UBE3A: variants seen among roughly 807,000 people sequenced by gnomAD.
UBE3A encodes ubiquitin protein ligase E3A.
A neutral mutation model predicts 83.4 loss-of-function variants in UBE3A; 6 were observed. The observed-to-expected ratio is 0.07, with a 90% CI of 0.04 to 0.14. The LOEUF is 0.14. Ranked by LOEUF, UBE3A falls within the 10% of genes least tolerant of loss-of-function variation. The pLI, the probability that UBE3A is intolerant of heterozygous loss-of-function variation, is 1.00. For missense variants in UBE3A, 456 were observed against 1,036.1 expected (o/e 0.44, Z 7.69); for synonymous variants, 337 against 355.4 (o/e 0.95, Z 0.58).
chr15:25,379,120 C>G (rs1177119264), intron 4 of UBE3A, among the ~76,000 whole-genome samples: 3 of 152,096 alleles, frequency 2.0e-5, no homozygotes, highest in Non-Finnish European at 2.9e-5. Flanking sequence ...TATCTACGAG[C>G]ATTATCATGG....
intron 1 of UBE3A, among the ~76,000 whole-genome samples, chr15:25,433,173 C>T (rs1183238438): frequency 6.6e-6 from 1 of 151,028 alleles, no homozygotes; most frequent in African/African-American, 2.4e-5. Context: ...AAAAATTCCC[C>T]AAAACAACGT....
chr15:25,435,231 TAC>T (rs56786510), intron 1 of UBE3A, among the ~76,000 whole-genome samples: 95,841 of 143,408 alleles, frequency 0.67, 31,887 homozygotes, highest in Middle Eastern at 0.73. Flanking sequence ...GATAGGGTTT[TAC>T]ACACACACAC....
At chr15:25,349,068 C>T (rs1444922272) in intron 11 of UBE3A, among the ~76,000 whole-genome samples, 1 of 152,134 alleles carries the variant, frequency 6.6e-6, no homozygotes. Flanking sequence ...GTCATTTTGG[C>T]AAAAGGACAA....
In UBE3A at chr15:25,429,415, T is replaced by A. The variant is rs533650131; in HGVS notation, c.-165+9074A>T. Among the ~76,000 whole-genome samples the A allele has an allele frequency of 2.0e-5, 3 of 152,284 alleles. No individual in the cohort carries two copies. The South Asian group carries it at 6.2e-4, about 32-fold the overall frequency. ...CTGGATGTTTTAAAAATTTTACAATTAAAACATATACACTTATTTTAAAAA... is the reference window on the plus strand; with the variant it reads ...CTGGATGTTTTAAAAATTTTACAATAAAAACATATACACTTATTTTAAAAA... On this transcript the variant is annotated intron_variant, in intron 1 of 12. Transcript: ENST00000648336.
intron 4 of UBE3A, among the ~76,000 whole-genome samples, chr15:25,383,440 C>T (rs946429525): frequency 1.3e-5 from 2 of 152,046 alleles, no homozygotes; most frequent in African/African-American, 4.8e-5. Context: ...AGTGTGAGAC[C>T]AGCCTGGCCA....
rs747639574 is a variant in UBE3A at position 25,334,309 on chromosome 15, CAT to C, written c.*4826_*4827del. The C allele has an allele frequency of 6.6e-6, 1 of 151,848 alleles. No homozygotes were observed. The highest frequency in any genetic ancestry group is 1.5e-5 in the Non-Finnish European group (1 of 67,972). 9.4% of individuals were successfully genotyped at this position (151,848 alleles called of 1,614,324 possible). A position where few individuals can be genotyped will look rare whatever the true frequency, so the allele number is the denominator to read the frequency against. ...ACAAAAATAAAAATTAGAAAATAATCATATAATTAAAGTGGCATCAGTAAAAT... is the reference window on the plus strand; with the variant it reads ...ACAAAAATAAAAATTAGAAAATAATCATAATTAAAGTGGCATCAGTAAAAT... On this transcript the variant is annotated 3_prime_UTR_variant, in exon 13 of 13. Transcript: ENST00000648336.
At position 25,356,073 on chromosome 15, in the gene UBE3A, G is replaced by A; in HGVS notation, c.1960-17C>T. On this transcript the variant is annotated splice_polypyrimidine_tract_variant and intron_variant, in intron 8 of 12. Transcript: ENST00000648336. The stretch of plus-strand genomic sequence containing the variant: ...ATATAGAACCTAGCAACCAGAAATG[G>A]TAAATTGAGGCCACCATAGAACTAC... 1 of 1,613,006 alleles carries A rather than the reference G, an allele frequency of 6.2e-7. No homozygotes were observed. The highest frequency in any genetic ancestry group is 8.5e-7 in the Non-Finnish European group (1 of 1,179,394).
At chr15:25,396,303 T>A (rs1195517976) in intron 4 of UBE3A, among the ~76,000 whole-genome samples, 1 of 152,048 alleles carries the variant, frequency 6.6e-6, no homozygotes, top group Non-Finnish European at 1.5e-5. Flanking sequence ...ACGGTATTTA[T>A]AAATTTAAAC....
chr15:25,389,261 C>A (rs371023258), intron 4 of UBE3A, among the ~76,000 whole-genome samples: 34 of 146,204 alleles, frequency 2.3e-4, no homozygotes, highest in South Asian at 2.1e-4. Flanking sequence ...CATCCACATG[C>A]AAAAAAAAAA....
intron 9 of UBE3A, 106 bp downstream of exon 9, chr15:25,355,784 GTT>G: frequency 2.0e-6 from 2 of 983,392 alleles, no homozygotes; most frequent in South Asian, 1.7e-5. Flanking sequence ...TTAGTTACTT[GTT>G]TTTTTTTTGT....
chr15:25,432,486 T>C (rs1471913202), intron 1 of UBE3A, among the ~76,000 whole-genome samples: 3 of 152,190 alleles, frequency 2.0e-5, no homozygotes, highest in African/African-American at 7.2e-5. Flanking sequence ...GCTATGTAAT[T>C]TGTATGCAAG....
chr15:25,371,826 G>A lies in UBE3A; in HGVS notation c.362-14C>T, dbSNP rs1344167698. 8.1e-6 allele frequency: 13 copies of A among 1,595,386 alleles called. No homozygotes were observed. The Admixed American group carries it at 1.0e-4, about 13-fold the overall frequency. ...AGTAAGTCACATCTAGAAAATCAGAGGAAAAAAGAGAACATTTATTTTCAT... is the reference window on the plus strand; with the variant it reads ...AGTAAGTCACATCTAGAAAATCAGAAGAAAAAAGAGAACATTTATTTTCAT... On this transcript the variant is annotated splice_polypyrimidine_tract_variant and intron_variant, in intron 5 of 12. Coordinates refer to ENST00000648336, the MANE Select transcript of UBE3A (RefSeq NM_130839.5). This position sits in a 1 kb window ranked among gnomAD's most constrained non-coding sequence, Gnocchi z 5.3.
chr15:25,402,685 C>A (rs915418832), intron 4 of UBE3A, among the ~76,000 whole-genome samples: 8 of 152,198 alleles, frequency 5.3e-5, no homozygotes, highest in Non-Finnish European at 1.2e-4. Flanking sequence ...CCCTCCTTCC[C>A]CCAGGTGAAC....
Position 25,353,950 on chromosome 15 carries a change from GAC to G in UBE3A, c.2354+401_2354+402del, listed in dbSNP as rs1170956713. 3 of 240,372 alleles carry G rather than the reference GAC, an allele frequency of 1.2e-5. No homozygotes were observed. In the Admixed American group the frequency reaches 1.5e-4, roughly 12 times the overall value. The allele number at this position is 240,372 out of a possible 1,614,324, so 14.9% of individuals were successfully genotyped here. On this transcript the variant is annotated intron_variant, in intron 11 of 12. Coordinates refer to ENST00000648336, the MANE Select transcript of UBE3A (RefSeq NM_130839.5). ...ATATTATCTTAAGAATTAAATAAAA[GAC>G]TACCATTTCACTCAAAAAGTGCTTG...
intron 11 of UBE3A, among the ~76,000 whole-genome samples, chr15:25,349,917 G>A (rs2152619151): frequency 6.6e-6 from 1 of 152,264 alleles, no homozygotes; most frequent in South Asian, 2.1e-4. Context: ...TCATGCCCTG[G>A]GTGGAAAGGT....
At chr15:25,437,967 T>A (rs1320144329) in intron 1 of UBE3A, 2 of 151,904 alleles carry the variant, frequency 1.3e-5, no homozygotes, top group Non-Finnish European at 2.9e-5. Flanking sequence ...TAACACAGAG[T>A]AACCTGTGCG....
intron 6 of UBE3A, among the ~76,000 whole-genome samples, chr15:25,365,800 T>C (rs2079010559): frequency 6.6e-6 from 1 of 151,794 alleles, no homozygotes; most frequent in Non-Finnish European, 1.5e-5. Context: ...TTCAACTACT[T>C]CAGTCAACTT....
In UBE3A at chr15:25,334,274, A is replaced by C. The variant is rs2073856386; in HGVS notation, c.*4863T>G. The C allele has an allele frequency of 6.6e-6, 1 of 152,184 alleles. No individual in the cohort carries two copies. Among genetic ancestry groups the C allele is most frequent in the African/African-American group, 2.4e-5 (1 of 41,452 alleles). 9.4% of individuals were successfully genotyped at this position (152,184 alleles called of 1,614,324 possible). ...AAAAATTAATTTTATTTCTAACACC[A>C]GTGATGAATACAAAAATAAAAATTA... is the stretch of plus-strand genomic sequence containing the variant. On this transcript the variant is annotated 3_prime_UTR_variant, in exon 13 of 13. Coordinates refer to ENST00000648336, the MANE Select transcript of UBE3A (RefSeq NM_130839.5).
intron 11 of UBE3A, among the ~76,000 whole-genome samples, chr15:25,349,496 GCCTTTTATATAGAATATACAGTATTCC>G (rs999502693): frequency 1.3e-5 from 2 of 152,048 alleles, no homozygotes; most frequent in African/African-American, 4.8e-5. Flanking sequence ...TCAGAAATGG[GCCTTTTATATAGAATATACAGTATTCC>G]CCACTTACCC....
Sources: allele counts gnomAD v4.1 joint callset (sites outside exome capture counted in the v4.1 genomes callset), GRCh38; gene constraint gnomAD v4.1.1; non-coding constraint Gnocchi (gnomAD v3.1); transcripts MANE v1.5; gene names NCBI Gene and HGNC (gene_info 2026-07-23, HGNC 2026-07-21).